Variants in SLC34A1 observed in about 807,000 individuals in gnomAD.
SLC34A1 encodes solute carrier family 34 member 1, also known as sodium-dependent phosphate transport protein 2A.
In SLC34A1, 57 loss-of-function variants were observed where a neutral mutation model predicts 51.4. The observed-to-expected ratio is 1.11, with a 90% CI of 0.90 to 1.38. SLC34A1 has a LOEUF of 1.38. SLC34A1 is among the 40% of genes most tolerant of loss of function. SLC34A1 has a pLI of 0.00. For synonymous variants in SLC34A1, 368 were observed against 358.0 expected, an observed-to-expected ratio of 1.03 and a Z score of -0.32; for missense variants, 796 against 835.6, an observed-to-expected ratio of 0.95 and a Z score of 0.58.
chr5:177,397,151 A>C, intron 12 of SLC34A1, 77 bp downstream of exon 12: 1 of 1,553,576 alleles, frequency 6.4e-7, no homozygotes. Flanking sequence ...AGGTGTGACA[A>C]CATGGAACAA....
In SLC34A1 at chr5:177,398,577, G is replaced by C. The variant is rs1763047274; in HGVS notation, c.*291G>C. On this transcript the variant is annotated 3_prime_UTR_variant, in exon 13 of 13. Transcript: ENST00000324417. The surrounding 1 kb of genome is among the most constrained non-coding windows in gnomAD (Gnocchi z 4.7). ...GTGGGAGGCTGTGTGCAGGCTGCAG[G>C]ATATCTGGGTATGATTTCAGGTCCT... is the stretch of plus-strand genomic sequence containing the variant. 1.8e-6 allele frequency: 1 copy of C among 542,634 alleles called. No individual in the cohort carries two copies. The highest frequency in any genetic ancestry group is 3.4e-6 in the Non-Finnish European group (1 of 297,566). The allele number at this position is 542,634 out of a possible 1,614,324, so 33.6% of individuals were successfully genotyped here.
chr5:177,387,543 T>C (rs193101576), intron 5 of SLC34A1, among the ~76,000 whole-genome samples: 1 of 152,350 alleles, frequency 6.6e-6, no homozygotes, highest in Non-Finnish European at 1.5e-5. Context: ...ATACACCATG[T>C]GCAGCACGTG....
intron 8 of SLC34A1, chr5:177,390,437 C>T (rs1355590869): frequency 1.0e-6 from 1 of 953,624 alleles, no homozygotes; most frequent in Non-Finnish European, 1.2e-6. Flanking sequence ...ACGAGGAGCA[C>T]TGAGCCCCAG....
In SLC34A1 at chr5:177,398,246, G is replaced by A. The variant is rs373459733; in HGVS notation, c.1880G>A (p.Arg627His). ...EELPPATPSP[R>H]LALPAHHNAT... The stretch of plus-strand genomic sequence containing the variant: ...CTACCCCCTGCCACACCCTCCCCCC[G>A]TCTTGCACTGCCTGCTCACCACAAT... The change falls in exon 13 of 13, where the codon CGT (arginine) becomes CAT (histidine). Residue 627 changes from arginine (R) to histidine (H), a missense_variant. Arg to His is a conservative substitution (Grantham distance 29). Transcript: ENST00000324417. The surrounding 1 kb of genome is among the most constrained non-coding windows in gnomAD (Gnocchi z 4.7). The A allele has an allele frequency of 1.2e-4, 192 of 1,599,568 alleles. No homozygotes were observed. The highest frequency in any genetic ancestry group is 1.1e-3 in the Admixed American group (68 of 59,978).
chr5:177,395,063 C>T (rs1490073033), intron 10 of SLC34A1, among the ~76,000 whole-genome samples: 1 of 151,950 alleles, frequency 6.6e-6, no homozygotes, highest in Non-Finnish European at 1.5e-5. Context: ...GTCCCAGGTA[C>T]CCAGGAGGCT....
In SLC34A1 at chr5:177,385,745, T is replaced by C; in HGVS notation, c.4T>C (p.Leu2=). 3 of 1,612,104 alleles carry C rather than the reference T, an allele frequency of 1.9e-6. No homozygotes were observed. The highest frequency in any genetic ancestry group is 1.1e-5 in the South Asian group (1 of 90,576). The change falls in exon 2 of 13, where the codon TTG becomes CTG. Residue 2 remains leucine (L), a synonymous_variant. Transcript: ENST00000324417. ...GACCTCATAGTGGGTGCCCAGGATG[T>C]TGTCCTACGGAGAGAGGCTGGGGTC... M[L]SYGERLGSPA... is the part of the protein sequence containing the mutation.
chr5:177,398,471 C>A lies in SLC34A1; in HGVS notation c.*185C>A. The stretch of plus-strand genomic sequence containing the variant: ...TGTGTGTGCATGTGTGGGGGTGAGT[C>A]TGCATGTGCACCTGTCATGTGTAGA... On this transcript the variant is annotated 3_prime_UTR_variant, in exon 13 of 13. Coordinates refer to ENST00000324417, the MANE Select transcript of SLC34A1 (RefSeq NM_003052.5). The surrounding 1 kb of genome is among the most constrained non-coding windows in gnomAD (Gnocchi z 4.7). 2 of 718,040 alleles carry A rather than the reference C, an allele frequency of 2.8e-6. No individual in the cohort carries two copies. The allele number at this position is 718,040 out of a possible 1,614,324, so 44.5% of individuals were successfully genotyped here.
At position 177,388,728 on chromosome 5, in the gene SLC34A1, A is replaced by G. The variant is rs1402965940; in HGVS notation, c.936+356A>G. ...CTGGAAACCCCTGGGAGCGGGGCCA[A>G]TGGCCTATGCTTCAGCAGTTCCTCT... On this transcript the variant is annotated intron_variant, in intron 8 of 12. Coordinates refer to ENST00000324417, the MANE Select transcript of SLC34A1 (RefSeq NM_003052.5). This position sits in a 1 kb window ranked among gnomAD's most constrained non-coding sequence, Gnocchi z 4.3. Among the ~76,000 whole-genome samples the G allele has an allele frequency of 6.6e-6, 1 of 152,132 alleles. No individual in the cohort carries two copies. The highest frequency in any genetic ancestry group is 1.9e-4 in the East Asian group (1 of 5,196).
At chr5:177,394,885 G>A (rs571198662) in intron 10 of SLC34A1, among the ~76,000 whole-genome samples, 28 of 152,048 alleles carry the variant, frequency 1.8e-4, no homozygotes, top group African/African-American at 6.5e-4. Flanking sequence ...AGTCGAGACA[G>A]GGTTTCACCA....
At position 177,386,441 on chromosome 5, in the gene SLC34A1, T is replaced by A. The variant is rs759667506; in HGVS notation, c.407T>A (p.Ile136Asn). The change falls in exon 5 of 13, where the codon ATC (isoleucine) becomes AAC (asparagine). Residue 136 changes from isoleucine to asparagine, a missense_variant. Ile to Asn is a moderately radical substitution (Grantham distance 149). Coordinates refer to ENST00000324417, the MANE Select transcript of SLC34A1 (RefSeq NM_003052.5). The surrounding 1 kb of genome is among the most constrained non-coding windows in gnomAD (Gnocchi z 4.8). ...QLAGGKVAGD[I>N]FKDNAILSNP... Reference sequence around the variant, plus strand: ...TCCCCAGGGAAGGTGGCTGGTGACATCTTCAAGGATAACGCCATCCTGTCC... The same window carrying A: ...TCCCCAGGGAAGGTGGCTGGTGACAACTTCAAGGATAACGCCATCCTGTCC... The A allele has an allele frequency of 6.2e-6, 10 of 1,614,038 alleles. No homozygotes were observed. The highest frequency in any genetic ancestry group is 3.3e-5 in the Admixed American group (2 of 60,016).
rs974632595 is a variant in SLC34A1 at position 177,398,351 on chromosome 5, G to A, written c.*65G>A. The A allele has an allele frequency of 1.6e-4, 256 of 1,578,770 alleles. No individual in the cohort carries two copies. In the African/African-American group the frequency reaches 2.4e-3, roughly 15 times the overall value. On this transcript the variant is annotated 3_prime_UTR_variant, in exon 13 of 13. Coordinates refer to ENST00000324417, the MANE Select transcript of SLC34A1 (RefSeq NM_003052.5). The surrounding 1 kb of genome is among the most constrained non-coding windows in gnomAD (Gnocchi z 4.7). ...GGGGTGGAAAGGCAGGGGAGGGAGG[G>A]TGTGTGTAGGTATGTGCATGTGCCT...
At chr5:177,387,106 C>T (rs528999173) in intron 5 of SLC34A1, among the ~76,000 whole-genome samples, 15 of 152,010 alleles carry the variant, frequency 9.9e-5, no homozygotes, top group South Asian at 4.2e-4. Context: ...CGCAGTGGCT[C>T]ATGCCTGTAA....
In SLC34A1 at chr5:177,386,408, GC is replaced by G; in HGVS notation, c.389-14del. 6.2e-7 allele frequency: 1 copy of G among 1,614,232 alleles called. No homozygotes were observed. On this transcript the variant is annotated splice_polypyrimidine_tract_variant and intron_variant, in intron 4 of 12. Coordinates refer to ENST00000324417, the MANE Select transcript of SLC34A1 (RefSeq NM_003052.5). The surrounding 1 kb of genome is among the most constrained non-coding windows in gnomAD (Gnocchi z 4.8). ...TCCTGAAGGGCCTTGGACAACGCTG[GC>G]TCATGCTCCCCAGGGAAGGTGGCTG...
chr5:177,398,609 G>A lies in SLC34A1; in HGVS notation c.*323G>A, dbSNP rs886060469. 32 of 478,018 alleles carry A rather than the reference G, an allele frequency of 6.7e-5. No individual in the cohort carries two copies. Among genetic ancestry groups the A allele is most frequent in the African/African-American group, 4.3e-4 (22 of 51,038 alleles). 29.6% of individuals were successfully genotyped at this position (478,018 alleles called of 1,614,324 possible). A position where few individuals can be genotyped will look rare whatever the true frequency, so the allele number is the denominator to read the frequency against. On this transcript the variant is annotated 3_prime_UTR_variant, in exon 13 of 13. Transcript: ENST00000324417. The surrounding 1 kb of genome is among the most constrained non-coding windows in gnomAD (Gnocchi z 4.7). ...GGGTATGATTTCAGGTCCTCTGCAC[G>A]TGTACACATGACTAGGATAGGCAGG...
Position 177,386,527 on chromosome 5 carries a change from AC to A in SLC34A1, c.495del (p.Ser166ProfsTer16), listed in dbSNP as rs1762580885. On this transcript the variant is annotated frameshift_variant, in exon 5 of 13. Coordinates refer to ENST00000324417, the MANE Select transcript of SLC34A1 (RefSeq NM_003052.5). LOFTEE classifies it high-confidence loss of function. This position sits in a 1 kb window ranked among gnomAD's most constrained non-coding sequence, Gnocchi z 4.8. ...LVTVLVQSSS[T>X]STSIIVSMVS... Reference sequence around the variant, plus strand: ...GACCGTGCTGGTGCAGAGCTCCAGCACCTCCACATCCATCATCGTCAGCATG... The same window carrying A: ...GACCGTGCTGGTGCAGAGCTCCAGCACTCCACATCCATCATCGTCAGCATG... The A allele has an allele frequency of 6.2e-7, 1 of 1,613,486 alleles. No homozygotes were observed. The highest frequency in any genetic ancestry group is 1.3e-5 in the African/African-American group (1 of 74,908).
At chr5:177,387,161 T>G (rs546513437) in intron 5 of SLC34A1, among the ~76,000 whole-genome samples, 109 of 150,332 alleles carry the variant, frequency 7.3e-4, no homozygotes, top group Admixed American at 4.5e-3. Flanking sequence ...ACGAGGTCAG[T>G]AGATCGAGAC....
At chr5:177,391,834 C>T (rs749396931) in intron 8 of SLC34A1, among the ~76,000 whole-genome samples, 1 of 152,198 alleles carries the variant, frequency 6.6e-6, no homozygotes, top group South Asian at 2.1e-4. Context: ...TATTATCCTG[C>T]GTTAGAGAAA....
chr5:177,398,001 C>G lies in SLC34A1; in HGVS notation c.1635C>G (p.Gly545=), dbSNP rs7379524. 4.3e-6 allele frequency: 7 copies of G among 1,613,958 alleles called. No homozygotes were observed. Among genetic ancestry groups the G allele is most frequent in the Non-Finnish European group, 5.9e-6 (7 of 1,180,004 alleles). Residue 545 remains glycine, a synonymous_variant, in exon 13 of 13, where the codon GGC becomes GGG. Transcript: ENST00000324417. The surrounding 1 kb of genome is among the most constrained non-coding windows in gnomAD (Gnocchi z 4.7). ...GCTGGCAGGTCATGGTAGGTGTGGG[C>G]ACGCCCTTCGGGGCCCTGCTGGCCT... ...MAGWQVMVGV[G]TPFGALLAFV... is the part of the protein sequence containing the mutation.
Position 177,398,585 on chromosome 5 carries a change from G to C in SLC34A1, c.*299G>C. 1 of 528,186 alleles carries C rather than the reference G, an allele frequency of 1.9e-6. No homozygotes were observed. Among genetic ancestry groups the C allele is most frequent in the Non-Finnish European group, 3.5e-6 (1 of 288,512 alleles). The allele number at this position is 528,186 out of a possible 1,614,324, so 32.7% of individuals were successfully genotyped here. ...CTGTGTGCAGGCTGCAGGATATCTGGGTATGATTTCAGGTCCTCTGCACGT... is the reference window on the plus strand; with the variant it reads ...CTGTGTGCAGGCTGCAGGATATCTGCGTATGATTTCAGGTCCTCTGCACGT... On this transcript the variant is annotated 3_prime_UTR_variant, in exon 13 of 13. Transcript: ENST00000324417. The surrounding 1 kb of genome is among the most constrained non-coding windows in gnomAD (Gnocchi z 4.7).
Sources: gnomAD v4.1 joint callset for allele counts (sites outside exome capture counted in the v4.1 genomes callset) on GRCh38, gnomAD v4.1.1 for gene constraint, Gnocchi (gnomAD v3.1) non-coding constraint, MANE v1.5 for transcripts, NCBI Gene and HGNC (gene_info 2026-07-23, HGNC 2026-07-21) for gene names.